The following CHFR variants were observed in gnomAD, a reference collection of about 807,000 sequenced individuals.
The protein encoded by CHFR is checkpoint with forkhead and ring finger domains.
CHFR carries 57 observed loss-of-function variants against 87.6 expected under a neutral mutation model. That is an observed-to-expected ratio of 0.65 (90% CI 0.53 to 0.81). CHFR has a LOEUF of 0.81. CHFR is among the 30% of genes least tolerant of loss of function. The probability of loss-of-function intolerance (pLI) is 0.00; values close to 1 mark genes in which losing one functional copy is unlikely to be tolerated. For synonymous variants in CHFR, 381 were observed against 359.2 expected (o/e 1.06, Z -0.69); for missense variants, 797 against 865.8 (o/e 0.92, Z 1.00).
At chr12:132,845,899 C>T (rs1159890592) in intron 15 of CHFR, among the ~76,000 whole-genome samples, 1 of 152,172 alleles carries the variant, frequency 6.6e-6, no homozygotes, top group Non-Finnish European at 1.5e-5. Context: ...TAATTGAAGC[C>T]TGTCAGTAAC....
chr12:132,848,864 A>G (rs887894990), intron 12 of CHFR, 140 bp from the exon 13 acceptor site: 1 of 622,644 alleles, frequency 1.6e-6, no homozygotes, highest in Non-Finnish European at 2.8e-6. Flanking sequence ...GGGCGGGGCC[A>G]CATCCAGCTA....
rs755408062 is a variant in CHFR, at chr12:132,837,229, A to G, written c.*4325T>C. ...GGGCCATGATATGGTTATCATTACT[A>G]TGTAATAAACCACCCCAAATGCAGT... On this transcript the variant is annotated 3_prime_UTR_variant, in exon 18 of 18. Coordinates refer to ENST00000450056, the MANE Select transcript of CHFR (RefSeq NM_001161346.2). The G allele has an allele frequency of 9.6e-5, 21 of 218,554 alleles. No individual in the cohort carries two copies. The highest frequency in any genetic ancestry group is 1.8e-4 in the Non-Finnish European group (19 of 108,014). The allele number at this position is 218,554 out of a possible 1,614,324, so 13.5% of individuals were successfully genotyped here.
chr12:132,848,456 G>C, intron 13 of CHFR, 185 bp downstream of exon 13: 1 of 692,094 alleles, frequency 1.4e-6, no homozygotes, highest in Non-Finnish European at 2.5e-6. Flanking sequence ...GTTAAGGCTT[G>C]ATTTTGAGCT....
chr12:132,853,372 C>G, intron 11 of CHFR, 59 bp downstream of exon 11: 4 of 1,423,670 alleles, frequency 2.8e-6, no homozygotes, highest in East Asian at 2.8e-5. Flanking sequence ...ACGTCAGCAC[C>G]GGGCACAGCC....
chr12:132,837,077 C>T lies in CHFR; in HGVS notation c.*4477G>A. Reference sequence around the variant, plus strand: ...GAGGGAGGGGCTGGTACCTGAGGGGCTGTTTGTGAGAATTAGCTGGTTCGG... The same window carrying T: ...GAGGGAGGGGCTGGTACCTGAGGGGTTGTTTGTGAGAATTAGCTGGTTCGG... On this transcript the variant is annotated 3_prime_UTR_variant, in exon 18 of 18. Transcript: ENST00000450056. 3.1e-6 allele frequency: 1 copy of T among 325,086 alleles called. No homozygotes were observed. The highest frequency in any genetic ancestry group is 6.0e-6 in the Non-Finnish European group (1 of 166,326). 20.1% of individuals were successfully genotyped at this position (325,086 alleles called of 1,614,324 possible). A position where few individuals can be genotyped will look rare whatever the true frequency, so the allele number is the denominator to read the frequency against.
chr12:132,842,026 C>G (rs564865184), intron 17 of CHFR, among the ~76,000 whole-genome samples: 1 of 146,622 alleles, frequency 6.8e-6, no homozygotes, highest in South Asian at 2.1e-4. Context: ...AAAAGAATTG[C>G]TTGAACCTGG....
Position 132,859,126 on chromosome 12 carries a change from T to C in CHFR, c.853A>G (p.Lys285Glu). 1.2e-6 allele frequency: 2 copies of C among 1,614,154 alleles called. No individual in the cohort carries two copies. Among genetic ancestry groups the C allele is most frequent in the Non-Finnish European group, 1.7e-6 (2 of 1,180,004 alleles). ...DVRAAAGKPD[K>E]MEETLTCIIC... Reference sequence around the variant, plus strand: ...ATGCATGTCAGCGTCTCCTCCATCTTGTCTGGCTTCCCAGCCGCTGCTCTG... The same window carrying C: ...ATGCATGTCAGCGTCTCCTCCATCTCGTCTGGCTTCCCAGCCGCTGCTCTG... Residue 285 changes from lysine (K) to glutamate (E), a missense_variant, in exon 8 of 18, where the codon AAG becomes GAG. Coordinates refer to ENST00000450056, the MANE Select transcript of CHFR (RefSeq NM_001161346.2).
At chr12:132,861,373 G>A (rs1185040005) in intron 7 of CHFR, 94 bp downstream of exon 7, 1 of 1,306,276 alleles carries the variant, frequency 7.7e-7, no homozygotes, top group Non-Finnish European at 1.1e-6. Flanking sequence ...GCCCCTGCAG[G>A]AAGCAATGCC....
rs770380694 is a variant in CHFR at position 132,857,415 on chromosome 12, G to A, written c.1056C>T (p.Ile352=). The change falls in exon 9 of 18, where the codon ATC becomes ATT. Residue 352 remains isoleucine (I), a synonymous_variant. Transcript: ENST00000450056. ...GATGCCCTCACTTGCCTGGATGCTG[G>A]ATGAGGTATGCTTCCACGAGGTTGT... ...ILNNLVEAYL[I]QHPDKSRSEE... 6.2e-7 allele frequency: 1 copy of A among 1,614,198 alleles called. No individual in the cohort carries two copies. Among genetic ancestry groups the A allele is most frequent in the East Asian group, 2.2e-5 (1 of 44,884 alleles).
rs2137021484 is a variant in CHFR at position 132,871,210 on chromosome 12, G to A, written c.344-427C>T. Among the ~76,000 whole-genome samples, 3 of 152,336 alleles carry A rather than the reference G, an allele frequency of 2.0e-5. 1 individual carries two copies. The highest frequency in any genetic ancestry group is 6.8e-3 in the Middle Eastern group (2 of 294). On this transcript the variant is annotated intron_variant, in intron 4 of 17. Transcript: ENST00000450056. ...CTCTTGCCTGTAATCCCAGCACTCT[G>A]GGAGGCCGAGGCGGGCGGATTACCT...
intron 6 of CHFR, chr12:132,866,742 C>A (rs1364761321): frequency 1.3e-5 from 2 of 152,270 alleles, no homozygotes; most frequent in East Asian, 3.8e-4. Context: ...AATGTTACAA[C>A]ACACTGGAAT....
rs748750259 is a variant in CHFR at position 132,870,835 on chromosome 12, G to C, written c.344-52C>G. 9.8e-5 allele frequency: 115 copies of C among 1,178,652 alleles called. 1 individual carries two copies. The highest frequency in any genetic ancestry group is 7.1e-5 in the Admixed American group (4 of 56,418). 73.0% of individuals were successfully genotyped at this position (1,178,652 alleles called of 1,614,324 possible). A position where few individuals can be genotyped will look rare whatever the true frequency, so the allele number is the denominator to read the frequency against. ...AAGTGGTGGCCCCTGTGCAAACTGA[G>C]AACTCATTTTTCTCTTCTGTTCTCC... On this transcript the variant is annotated intron_variant, in intron 4 of 17. Coordinates refer to ENST00000450056, the MANE Select transcript of CHFR (RefSeq NM_001161346.2).
intron 11 of CHFR, 52 bp downstream of exon 11, chr12:132,853,352 GGCCACGTGCACGTCAGCACCGGGCACA>G: frequency 7.4e-7 from 1 of 1,360,354 alleles, no homozygotes; most frequent in East Asian, 3.0e-5. Flanking sequence ...GGCAGAGCGC[GGCCACGTGCACGTCAGCACCGGGCACA>G]GCCACAAAGT....
chr12:132,863,449 G>A lies in CHFR; in HGVS notation c.584-1815C>T, dbSNP rs76751330. Among the ~76,000 whole-genome samples the A allele has an allele frequency of 5.9e-5, 9 of 152,080 alleles. No individual in the cohort carries two copies. The East Asian group carries it at 6.0e-4, about 10-fold the overall frequency. ...TGAACCCAGGAGGCGGAGTTGCAGCGAACGAAGTTCGCGCCATTGCACTCC... is the reference window on the plus strand; with the variant it reads ...TGAACCCAGGAGGCGGAGTTGCAGCAAACGAAGTTCGCGCCATTGCACTCC... On this transcript the variant is annotated intron_variant, in intron 6 of 17. Coordinates refer to ENST00000450056, the MANE Select transcript of CHFR (RefSeq NM_001161346.2).
intron 2 of CHFR, among the ~76,000 whole-genome samples, chr12:132,883,384 T>C (rs1001973913): frequency 5.1e-5 from 7 of 137,270 alleles, no homozygotes; most frequent in African/African-American, 1.9e-4. Context: ...CGAGATCACA[T>C]CATTGCACTC....
chr12:132,859,007 C>T (rs1951151205), intron 8 of CHFR, 61 bp downstream of exon 8: 2 of 1,530,884 alleles, frequency 1.3e-6, no homozygotes, highest in South Asian at 2.5e-5. Context: ...AGCCCTGCCC[C>T]ACACGGGACG....
In CHFR at chr12:132,853,919, C is replaced by T. The variant is rs116585015; in HGVS notation, c.1230-346G>A. ...CGCACGCCCCGTGCTCCTCAGGACC[C>T]GCCTACTCTCCCGTTAAAAGCAGAG... On this transcript the variant is annotated intron_variant, in intron 10 of 17. Coordinates refer to ENST00000450056, the MANE Select transcript of CHFR (RefSeq NM_001161346.2). The T allele has an allele frequency of 6.9e-3, 1,731 of 249,090 alleles. 18 individuals carry two copies. The highest frequency in any genetic ancestry group is 0.034 in the African/African-American group (1,504 of 44,228). 15.4% of individuals were successfully genotyped at this position (249,090 alleles called of 1,614,324 possible).
At chr12:132,857,292 G>C (rs1345556919) in intron 9 of CHFR, 113 bp downstream of exon 9, 9 of 1,120,320 alleles carry the variant, frequency 8.0e-6, no homozygotes, top group Non-Finnish European at 1.2e-5. Context: ...TGCTGGTGGA[G>C]GGACAGCCCT....
intron 14 of CHFR, chr12:132,847,857 G>C: frequency 1.4e-6 from 2 of 1,383,118 alleles, no homozygotes; most frequent in Non-Finnish European, 1.9e-6. Flanking sequence ...TTGGTGGCAG[G>C]AGGCACAAAA....
Sources: gnomAD v4.1 joint callset for allele counts (sites outside exome capture counted in the v4.1 genomes callset) on GRCh38, gnomAD v4.1.1 for gene constraint, MANE v1.5 for transcripts, NCBI Gene and HGNC (gene_info 2026-07-23, HGNC 2026-07-21) for gene names.